CDH13: variants seen among roughly 807,000 people sequenced by gnomAD.
CDH13 encodes cadherin-13.
CDH13 carries 24 observed loss-of-function variants against 63.8 expected under a neutral mutation model. The ratio of observed to expected loss-of-function variants is 0.38; its 90% CI spans 0.27 to 0.53. The LOEUF (loss-of-function observed/expected upper bound fraction) is 0.53, where lower values mean the gene tolerates loss of function less well. CDH13 is among the 20% of genes least tolerant of loss of function. The pLI, the probability that CDH13 is intolerant of heterozygous loss-of-function variation, is 0.85. For synonymous variants in CDH13, 503 were observed against 355.3 expected, an observed-to-expected ratio of 1.42 and a Z score of -4.67; for missense variants, 1,049 against 903.1, an observed-to-expected ratio of 1.16 and a Z score of -2.07.
chr16:83,201,200 T>C (rs1426856891), intron 4 of CDH13, among the ~76,000 whole-genome samples: 2 of 152,118 alleles, frequency 1.3e-5, no homozygotes, highest in African/African-American at 4.8e-5. Context: ...GCTTCTTTAT[T>C]TATTAAAAAA....
chr16:83,376,691 G>A (rs576532647), intron 6 of CDH13, among the ~76,000 whole-genome samples: 11 of 152,214 alleles, frequency 7.2e-5, no homozygotes, highest in African/African-American at 2.6e-4. Flanking sequence ...GAGAGAGTTA[G>A]GAGGTACAAA....
At chr16:82,957,343 C>G (rs1250612679) in intron 2 of CDH13, among the ~76,000 whole-genome samples, 1 of 152,202 alleles carries the variant, frequency 6.6e-6, no homozygotes, top group Non-Finnish European at 1.5e-5. Flanking sequence ...GAAATAAGTA[C>G]ATTTTCCTTC....
chr16:83,517,489 T>A (rs1028248829), intron 7 of CDH13, among the ~76,000 whole-genome samples: 1 of 152,154 alleles, frequency 6.6e-6, no homozygotes, highest in African/African-American at 2.4e-5. Context: ...CTGGCCTCCT[T>A]TGTGCCTGTG....
chr16:83,365,986 C>A (rs138690266), intron 6 of CDH13, among the ~76,000 whole-genome samples: 1 of 152,144 alleles, frequency 6.6e-6, no homozygotes, highest in South Asian at 2.1e-4. Context: ...CTACTGTGAA[C>A]CCCACGGAGG....
intron 3 of CDH13, among the ~76,000 whole-genome samples, chr16:83,067,821 C>T (rs1320463874): frequency 6.6e-6 from 1 of 152,164 alleles, no homozygotes; most frequent in East Asian, 1.9e-4. Context: ...TCCTGCCCCT[C>T]TCTTCTTCTC....
At chr16:83,354,484 C>T (rs910445122) in intron 6 of CDH13, among the ~76,000 whole-genome samples, 1 of 152,180 alleles carries the variant, frequency 6.6e-6, no homozygotes, top group Non-Finnish European at 1.5e-5. Flanking sequence ...ATTCTTAAGA[C>T]ATTGCCACCT....
chr16:83,127,127 A>T (rs1027291771), intron 4 of CDH13, among the ~76,000 whole-genome samples: 3 of 152,278 alleles, frequency 2.0e-5, no homozygotes, highest in African/African-American at 7.2e-5. Flanking sequence ...AGGCCTGAAG[A>T]TGGGAAAGAA....
intron 11 of CDH13, among the ~76,000 whole-genome samples, chr16:83,773,934 C>T (rs1317833832): frequency 1.3e-5 from 2 of 152,146 alleles, no homozygotes; most frequent in Non-Finnish European, 2.9e-5. Flanking sequence ...ATCCTTATCC[C>T]TCCCCCTTCC....
chr16:83,166,751 C>T (rs1490307193), intron 4 of CDH13, among the ~76,000 whole-genome samples: 1 of 152,122 alleles, frequency 6.6e-6, no homozygotes, highest in Non-Finnish European at 1.5e-5. Flanking sequence ...ATACTATTTT[C>T]TAATTCAGAT....
chr16:83,396,949 A>T (rs914748759), intron 6 of CDH13, among the ~76,000 whole-genome samples: 1 of 152,196 alleles, frequency 6.6e-6, no homozygotes, highest in Non-Finnish European at 1.5e-5. Flanking sequence ...CTGAGGCTCT[A>T]TGAAATCAGA....
At chr16:82,999,333 T>C (rs887392563) in intron 2 of CDH13, among the ~76,000 whole-genome samples, 2 of 152,158 alleles carry the variant, frequency 1.3e-5, no homozygotes, top group African/African-American at 4.8e-5. Context: ...TTTGAAGAAA[T>C]TTTACCGAAA....
intron 5 of CDH13, among the ~76,000 whole-genome samples, chr16:83,225,910 G>A (rs1432110928): frequency 1.3e-5 from 2 of 152,136 alleles, no homozygotes; most frequent in African/African-American, 4.8e-5. Flanking sequence ...AATATCAAGC[G>A]AGACAATGCA....
intron 3 of CDH13, among the ~76,000 whole-genome samples, chr16:83,053,747 T>A (rs72796213): frequency 6.6e-6 from 1 of 152,274 alleles, no homozygotes; most frequent in Non-Finnish European, 1.5e-5. Flanking sequence ...TATATCATAT[T>A]TATAGAACTA....
chr16:83,503,319 C>T (rs4782803), intron 7 of CDH13, among the ~76,000 whole-genome samples: 104,615 of 152,038 alleles, frequency 0.69, 36,068 homozygotes, highest in East Asian at 0.88. Context: ...TTAGGAAAGC[C>T]TTGAGTTTGT....
chr16:82,826,922 G>A (rs2038283091), intron 1 of CDH13, among the ~76,000 whole-genome samples: 1 of 152,166 alleles, frequency 6.6e-6, no homozygotes, highest in African/African-American at 2.4e-5. Context: ...CGACTCTCAG[G>A]GGACTTGGGA....
intron 8 of CDH13, among the ~76,000 whole-genome samples, chr16:83,630,876 C>A (rs1276843143): frequency 3.3e-5 from 5 of 152,114 alleles, no homozygotes; most frequent in Admixed American, 3.3e-4. Flanking sequence ...GGTTTGCCTC[C>A]CATAGGTCCC....
rs761748368 is a variant in CDH13, at chr16:82,858,421, G to A, written c.105G>A (p.Val35=). 12 of 1,613,730 alleles carry A rather than the reference G, an allele frequency of 7.4e-6. No individual in the cohort carries two copies. Among genetic ancestry groups the A allele is most frequent in the Non-Finnish European group, 9.3e-6 (11 of 1,179,748 alleles). ...LDCTPGFQQK[V]FHINQPAEFI... Reference sequence around the variant, plus strand: ...GCACTCCTGGATTTCAGCAGAAAGTGTTCCATATCAATCAGCCAGCTGAAT... The same window carrying A: ...GCACTCCTGGATTTCAGCAGAAAGTATTCCATATCAATCAGCCAGCTGAAT... Residue 35 remains valine (V), a synonymous_variant, in exon 2 of 14, where the codon GTG becomes GTA. Transcript: ENST00000567109.
intron 6 of CDH13, among the ~76,000 whole-genome samples, chr16:83,418,349 A>G (rs980019105): frequency 2.0e-5 from 3 of 152,222 alleles, no homozygotes; most frequent in Non-Finnish European, 4.4e-5. Context: ...AAATACAAGC[A>G]TCCTAGAAAA....
chr16:83,755,437 C>G lies in CDH13; in HGVS notation c.1681+7187C>G, dbSNP rs530097213. On this transcript the variant is annotated intron_variant, in intron 11 of 13. Transcript: ENST00000567109. ...CCAAAACTGATGAAAGACATTCTCC[C>G]TATTAAATCAAAAAGTTTAGCAAAC... 2.6e-5 allele frequency among the ~76,000 whole-genome samples: 4 copies of G among 152,204 alleles called. No homozygotes were observed. In the East Asian group the frequency reaches 7.7e-4, roughly 29 times the overall value.
Sources: gnomAD v4.1 joint callset for allele counts (sites outside exome capture counted in the v4.1 genomes callset) on GRCh38, gnomAD v4.1.1 for gene constraint, MANE v1.5 for transcripts, NCBI Gene and HGNC (gene_info 2026-07-23, HGNC 2026-07-21) for gene names.